The following ALS2 variants were observed in gnomAD, a reference collection of about 807,000 sequenced individuals.
ALS2 encodes the protein alsin Rho guanine nucleotide exchange factor ALS2, also known as alsin.
ALS2 carries 117 observed loss-of-function variants against 203.4 expected under a neutral mutation model. That is an observed-to-expected ratio of 0.58 (90% CI 0.50 to 0.67). ALS2 has a LOEUF of 0.67. Among genes scored for constraint, ALS2 ranks in the 30% least tolerant of loss-of-function variants. The probability of loss-of-function intolerance (pLI) is 0.00; values close to 1 mark genes in which losing one functional copy is unlikely to be tolerated. For synonymous variants in ALS2, 718 were observed against 725.9 expected (o/e 0.99, Z 0.17); for missense variants, 1,715 against 1,989.4 (o/e 0.86, Z 2.62).
At chr2:201,711,164 T>A in intron 25 of ALS2, 56 bp from the exon 26 acceptor site, 2 of 1,091,024 alleles carry the variant, frequency 1.8e-6, no homozygotes, top group Non-Finnish European at 2.8e-6. Flanking sequence ...GCAAGATACG[T>A]GTAAATACTC....
chr2:201,743,578 G>T (rs542347327), intron 10 of ALS2, among the ~76,000 whole-genome samples: 3 of 152,052 alleles, frequency 2.0e-5, no homozygotes, highest in Non-Finnish European at 4.4e-5. Context: ...TCCACCTCCC[G>T]GGTTCAAGCA....
At chr2:201,771,685 C>T (rs1694389292) in intron 1 of ALS2, among the ~76,000 whole-genome samples, 1 of 152,202 alleles carries the variant, frequency 6.6e-6, no homozygotes, top group Non-Finnish European at 1.5e-5. Context: ...CTCACCTCAA[C>T]CAGTCAAATA....
chr2:201,721,094 T>C (rs1052915951), intron 23 of ALS2, among the ~76,000 whole-genome samples: 9 of 152,182 alleles, frequency 5.9e-5, no homozygotes, highest in African/African-American at 1.7e-4. Flanking sequence ...ATAAAATACT[T>C]AGAAATAAAT....
chr2:201,714,584 G>T (rs1315357199), intron 25 of ALS2, among the ~76,000 whole-genome samples: 1 of 152,154 alleles, frequency 6.6e-6, no homozygotes, highest in Non-Finnish European at 1.5e-5. Flanking sequence ...GCTGAGTCTT[G>T]TGAATTCTTC....
At chr2:201,757,328 T>G in intron 5 of ALS2, 74 bp downstream of exon 5, 1 of 1,202,754 alleles carries the variant, frequency 8.3e-7, no homozygotes, top group Non-Finnish European at 1.2e-6. Context: ...GCTTTTTTAA[T>G]AATACAGCAT....
intron 1 of ALS2, among the ~76,000 whole-genome samples, chr2:201,772,058 A>G (rs2106110918): frequency 6.6e-6 from 1 of 152,340 alleles, no homozygotes; most frequent in East Asian, 1.9e-4. Context: ...TTTAAAGCAT[A>G]CCACTCTATC....
intron 4 of ALS2, among the ~76,000 whole-genome samples, chr2:201,758,761 T>TGCGC (rs1491560741): frequency 3.7e-4 from 16 of 43,258 alleles, no homozygotes; most frequent in Admixed American, 1.1e-3. Context: ...TGTGTGCGCA[T>TGCGC]GTGTGTGTGT....
Position 201,760,975 on chromosome 2 carries a change from G to C in ALS2, c.1019C>G (p.Pro340Arg), listed in dbSNP as rs965008313. The change falls in exon 4 of 34, where the codon CCT becomes CGT. Residue 340 changes from proline to arginine, a missense_variant. Coordinates refer to ENST00000264276, the MANE Select transcript of ALS2 (RefSeq NM_020919.4). ...GTATTCATTGACTGCTTGGGTGTCA[G>C]GGTATGATGGTATGTTTCTGGCAGA... ...ISSARNIPSY[P>R]DTQAVNEYLR... is the part of the protein sequence containing the mutation. 6.2e-7 allele frequency: 1 copy of C among 1,614,194 alleles called. No homozygotes were observed. The highest frequency in any genetic ancestry group is 8.5e-7 in the Non-Finnish European group (1 of 1,180,048).
chr2:201,757,397 C>T lies in ALS2; in HGVS notation c.1471+5G>A, dbSNP rs1280722022. 2 of 1,611,594 alleles carry T rather than the reference C, an allele frequency of 1.2e-6. No individual in the cohort carries two copies. Among genetic ancestry groups the T allele is most frequent in the Non-Finnish European group, 1.7e-6 (2 of 1,177,684 alleles). On this transcript the variant is annotated splice_donor_5th_base_variant and intron_variant, in intron 5 of 33. Coordinates refer to ENST00000264276, the MANE Select transcript of ALS2 (RefSeq NM_020919.4). ...TCAATTCACAAAACCTAGTTATTTC[C>T]TTACCTTGTGACAACAATCCAGGGA...
At position 201,760,905 on chromosome 2, in the gene ALS2, A is replaced by G; in HGVS notation, c.1089T>C (p.His363=). The change falls in exon 4 of 34, where the codon CAT becomes CAC. Residue 363 remains histidine (H), a synonymous_variant. Coordinates refer to ENST00000264276, the MANE Select transcript of ALS2 (RefSeq NM_020919.4). ...CCTGAGATGGCACTGGCTTTTCACC[A>G]TGCTCTGAGTCCTCTCTTACTGAAT... ...SDHSVREDSE[H]GEKPVPSQPL... is the part of the protein sequence containing the mutation. The G allele has an allele frequency of 6.2e-7, 1 of 1,613,900 alleles. No individual in the cohort carries two copies. The highest frequency in any genetic ancestry group is 2.2e-5 in the East Asian group (1 of 44,880).
In ALS2 at chr2:201,744,316, T is replaced by C; in HGVS notation, c.2112A>G (p.Arg704=). 1 of 1,614,134 alleles carries C rather than the reference T, an allele frequency of 6.2e-7. No homozygotes were observed. The highest frequency in any genetic ancestry group is 8.5e-7 in the Non-Finnish European group (1 of 1,180,016). ...SLHELATTER[R]FYSKLSDIKS... ...TGATATCACTTAGTTTTGAATAGAA[T>C]CGTCTTTCTGTAGTAGCTAACTCGT... The change falls in exon 10 of 34, where the codon CGA becomes CGG. Residue 704 remains arginine (R), a synonymous_variant. Transcript: ENST00000264276.
chr2:201,715,270 G>C (rs1310615895), intron 25 of ALS2, among the ~76,000 whole-genome samples: 3 of 152,166 alleles, frequency 2.0e-5, no homozygotes, highest in Non-Finnish European at 2.9e-5. Context: ...GTCACTCCTT[G>C]AGCCAGAACC....
At chr2:201,760,739 G>A (rs1269758428) in intron 4 of ALS2, 142 bp downstream of exon 4, 1 of 1,445,766 alleles carries the variant, frequency 6.9e-7, no homozygotes, top group East Asian at 2.5e-5. Context: ...CCTTTATCTA[G>A]GCTTGCCTGA....
At chr2:201,758,676 T>C (rs898006413) in intron 4 of ALS2, among the ~76,000 whole-genome samples, 7 of 152,172 alleles carry the variant, frequency 4.6e-5, no homozygotes, top group African/African-American at 1.7e-4. Flanking sequence ...TTGCTTCTTA[T>C]TGTACCCAAA....
chr2:201,771,132 C>T (rs531946685), intron 1 of ALS2, among the ~76,000 whole-genome samples: 5 of 151,020 alleles, frequency 3.3e-5, no homozygotes, highest in Non-Finnish European at 5.9e-5. Context: ...TTGCAACCTC[C>T]GCCTCCCAGG....
intron 1 of ALS2, among the ~76,000 whole-genome samples, chr2:201,775,429 G>T (rs1015601575): frequency 6.6e-6 from 1 of 152,212 alleles, no homozygotes; most frequent in Non-Finnish European, 1.5e-5. Context: ...AACAATAACA[G>T]AGTCTGGTAT....
At chr2:201,745,028 C>T (rs952182093) in intron 9 of ALS2, among the ~76,000 whole-genome samples, 7 of 152,160 alleles carry the variant, frequency 4.6e-5, no homozygotes, top group African/African-American at 1.7e-4. Context: ...CCCATTAAAT[C>T]AGGCAGGCAA....
intron 11 of ALS2, among the ~76,000 whole-genome samples, chr2:201,740,134 G>T (rs1453319438): frequency 6.6e-6 from 1 of 152,016 alleles, no homozygotes; most frequent in Non-Finnish European, 1.5e-5. Flanking sequence ...AGACCAGCCT[G>T]GGCAACATAG....
chr2:201,768,750 T>G (rs1694230205), intron 2 of ALS2, 116 bp downstream of exon 2: 6 of 999,870 alleles, frequency 6.0e-6, no homozygotes, highest in Non-Finnish European at 9.3e-6. Context: ...CAAATGTCAC[T>G]ATTCCCACTT....
Sources: allele counts gnomAD v4.1 joint callset (sites outside exome capture counted in the v4.1 genomes callset), GRCh38; gene constraint gnomAD v4.1.1; transcripts MANE v1.5; gene names NCBI Gene and HGNC (gene_info 2026-07-23, HGNC 2026-07-21).